Variants in PDE3A observed in about 807,000 individuals in gnomAD.
PDE3A encodes phosphodiesterase 3A.
PDE3A carries 43 observed loss-of-function variants against 98.3 expected under a neutral mutation model. The observed-to-expected ratio is 0.44, with a 90% CI of 0.34 to 0.56. PDE3A has a LOEUF of 0.56. Ranked by LOEUF, PDE3A falls within the 20% of genes least tolerant of loss-of-function variation. PDE3A has a pLI of 0.01. For missense variants in PDE3A, 1,427 were observed against 1,440.7 expected, an observed-to-expected ratio of 0.99 and a Z score of 0.15; for synonymous variants, 663 against 567.9, an observed-to-expected ratio of 1.17 and a Z score of -2.38.
chr12:20,652,631 G>A (rs10841585), intron 14 of PDE3A, among the ~76,000 whole-genome samples: 76,016 of 151,714 alleles, frequency 0.5, 19,917 homozygotes, highest in East Asian at 0.73. Context: ...TTTTTTTCTT[G>A]TAAATTTGTT....
chr12:20,383,357 G>A (rs369021647), intron 1 of PDE3A, among the ~76,000 whole-genome samples: 9 of 151,824 alleles, frequency 5.9e-5, no homozygotes, highest in African/African-American at 2.2e-4. Flanking sequence ...TACCAGTGGT[G>A]CCATTATTCT....
Position 20,583,796 on chromosome 12 carries a change from A to G in PDE3A, c.1011+27086A>G, listed in dbSNP as rs1208444231. Among the ~76,000 whole-genome samples the G allele has an allele frequency of 2.0e-5, 3 of 152,306 alleles. No individual in the cohort carries two copies. In the East Asian group the frequency reaches 5.8e-4, roughly 29 times the overall value. ...TTGATCAATGAAAATTGTTTTAAGTAACTAATGTACCTACTTTGATTTTTA... is the reference window on the plus strand; with the variant it reads ...TTGATCAATGAAAATTGTTTTAAGTGACTAATGTACCTACTTTGATTTTTA... On this transcript the variant is annotated intron_variant, in intron 2 of 15. Coordinates refer to ENST00000359062, the MANE Select transcript of PDE3A (RefSeq NM_000921.5).
intron 1 of PDE3A, among the ~76,000 whole-genome samples, chr12:20,440,339 T>G (rs1445594144): frequency 6.6e-6 from 1 of 152,144 alleles, no homozygotes; most frequent in African/African-American, 2.4e-5. Flanking sequence ...TGCTTGGGAC[T>G]GAGTATAGTG....
At chr12:20,604,484 C>A (rs997939060) in intron 2 of PDE3A, among the ~76,000 whole-genome samples, 3 of 152,114 alleles carry the variant, frequency 2.0e-5, no homozygotes, top group African/African-American at 7.2e-5. Flanking sequence ...GTTTTTCTAC[C>A]TTTTTGCTTC....
At chr12:20,635,112 G>C in intron 8 of PDE3A, 56 bp downstream of exon 8, 2 of 1,479,340 alleles carry the variant, frequency 1.4e-6, no homozygotes, top group East Asian at 2.3e-5. Flanking sequence ...TTCTGTTACA[G>C]ATATTGGCTC....
intron 5 of PDE3A, among the ~76,000 whole-genome samples, chr12:20,624,172 T>C (rs1470003134): frequency 2.6e-5 from 4 of 152,164 alleles, no homozygotes; most frequent in Non-Finnish European, 5.9e-5. Context: ...AATGACTTCA[T>C]ACTAGAAAAA....
chr12:20,369,054 C>T lies in PDE3A; in HGVS notation c.-231C>T, dbSNP rs1943401415. ...CGTGCTTGTTTTCAACTTGAGCGTG[C>T]TAGCCTTTAACTTGAAGAAGTCTCA... is the stretch of plus-strand genomic sequence containing the variant. On this transcript the variant is annotated 5_prime_UTR_variant, in exon 1 of 16. Coordinates refer to ENST00000359062, the MANE Select transcript of PDE3A (RefSeq NM_000921.5). 6.6e-6 allele frequency among the ~76,000 whole-genome samples: 1 copy of T among 152,170 alleles called. No individual in the cohort carries two copies. Among genetic ancestry groups the T allele is most frequent in the Non-Finnish European group, 1.5e-5 (1 of 68,020 alleles).
intron 15 of PDE3A, among the ~76,000 whole-genome samples, chr12:20,668,947 T>C (rs1945395229): frequency 6.7e-6 from 1 of 149,370 alleles, no homozygotes; most frequent in Non-Finnish European, 1.5e-5. Flanking sequence ...GTTGAAAACT[T>C]TGAAAAAAAT....
Position 20,369,870 on chromosome 12 carries a change from A to T in PDE3A, c.586A>T (p.Ser196Cys). The change falls in exon 1 of 16, where the codon AGC (serine) becomes TGC (cysteine). Residue 196 changes from serine (S) to cysteine (C), a missense_variant. Around this residue, in one of 3 missense-constraint regions of PDE3A, gnomAD observed 1,012 missense variants for 886.5 expected, o/e 1.14. Coordinates refer to ENST00000359062, the MANE Select transcript of PDE3A (RefSeq NM_000921.5). ...LSLPAAGVVL[S>C]CLAAATWLVL... is the part of the protein sequence containing the mutation. ...ACTCCCCGCCGCGGGGGTGGTGCTC[A>T]GCTGCTTGGCCGCCGCGACATGGCT... 1 of 1,612,784 alleles carries T rather than the reference A, an allele frequency of 6.2e-7. No homozygotes were observed. The highest frequency in any genetic ancestry group is 8.5e-7 in the Non-Finnish European group (1 of 1,179,674).
At chr12:20,610,557 A>G (rs553142057) in intron 2 of PDE3A, among the ~76,000 whole-genome samples, 166 of 152,134 alleles carry the variant, frequency 1.1e-3, no homozygotes, top group African/African-American at 3.8e-3. Flanking sequence ...TCATAAAGAT[A>G]TCTGCACTCT....
intron 1 of PDE3A, among the ~76,000 whole-genome samples, chr12:20,380,409 T>C (rs919733304): frequency 6.6e-6 from 1 of 151,934 alleles, no homozygotes; most frequent in Non-Finnish European, 1.5e-5. Context: ...ATTGCAGTGA[T>C]AAATTTAGCT....
intron 2 of PDE3A, among the ~76,000 whole-genome samples, chr12:20,607,230 G>A (rs1943731511): frequency 6.6e-6 from 1 of 151,976 alleles, no homozygotes; most frequent in Non-Finnish European, 1.5e-5. Context: ...CTTGAACCCA[G>A]GAGTTCAAGA....
At chr12:20,509,063 T>C (rs1011523476) in intron 1 of PDE3A, among the ~76,000 whole-genome samples, 1 of 152,074 alleles carries the variant, frequency 6.6e-6, no homozygotes, top group Non-Finnish European at 1.5e-5. Context: ...ACTGCCCTTC[T>C]TATGCTGGAT....
intron 1 of PDE3A, among the ~76,000 whole-genome samples, chr12:20,433,081 G>C (rs1944723692): frequency 6.6e-6 from 1 of 152,068 alleles, no homozygotes; most frequent in African/African-American, 2.4e-5. Context: ...CTATAACAAT[G>C]AATAGATGAA....
At chr12:20,615,735 T>G (rs1439899906) in intron 3 of PDE3A, among the ~76,000 whole-genome samples, 1 of 152,128 alleles carries the variant, frequency 6.6e-6, no homozygotes, top group Non-Finnish European at 1.5e-5. Flanking sequence ...ATTTATTTAT[T>G]TATTTATTAG....
At position 20,495,396 on chromosome 12, in the gene PDE3A, A is replaced by C. The variant is rs535477701; in HGVS notation, c.961-61264A>C. Among the ~76,000 whole-genome samples the C allele has an allele frequency of 1.7e-3, 256 of 152,280 alleles. 4 individuals carry two copies. Among genetic ancestry groups the C allele is most frequent in the African/African-American group, 5.4e-3 (223 of 41,554 alleles). ...TGTTTTGAAAGGTAGAATCATACAA[A>C]GAAACAACTATAATCTAATTAACCT... is the stretch of plus-strand genomic sequence containing the variant. On this transcript the variant is annotated intron_variant, in intron 1 of 15. Coordinates refer to ENST00000359062, the MANE Select transcript of PDE3A (RefSeq NM_000921.5).
Position 20,646,963 on chromosome 12 carries a change from A to T in PDE3A, c.2565+13A>T, listed in dbSNP as rs1944789616. 1 of 1,591,836 alleles carries T rather than the reference A, an allele frequency of 6.3e-7. No individual in the cohort carries two copies. The highest frequency in any genetic ancestry group is 8.6e-7 in the Non-Finnish European group (1 of 1,160,710). On this transcript the variant is annotated intron_variant, in intron 12 of 15. Transcript: ENST00000359062. ...TAGTGCTCCTCAGGTAAATCTTTAG[A>T]TTTTGGTTAGGAGAACTAATTTAAA... is the stretch of plus-strand genomic sequence containing the variant.
At chr12:20,450,728 A>T (rs906357339) in intron 1 of PDE3A, among the ~76,000 whole-genome samples, 1 of 152,252 alleles carries the variant, frequency 6.6e-6, no homozygotes, top group Non-Finnish European at 1.5e-5. Context: ...GCACCCTGGT[A>T]TATCAAATAC....
rs761981823 is a variant in PDE3A at position 20,686,590 on chromosome 12, A to G, written c.*6319A>G. ...TATTTCCGTGTCATTGAAAGTTCCT[A>G]TTTCAAATTAAACAAACTACAGCAG... On this transcript the variant is annotated 3_prime_UTR_variant, in exon 16 of 16. Transcript: ENST00000359062. 6.6e-6 allele frequency among the ~76,000 whole-genome samples: 1 copy of G among 152,134 alleles called. No individual in the cohort carries two copies. Among genetic ancestry groups the G allele is most frequent in the Non-Finnish European group, 1.5e-5 (1 of 67,992 alleles).
Sources: allele counts gnomAD v4.1 joint callset (sites outside exome capture counted in the v4.1 genomes callset), GRCh38; gene constraint gnomAD v4.1.1; regional missense constraint gnomAD v4.1.1; transcripts MANE v1.5; gene names NCBI Gene and HGNC (gene_info 2026-07-23, HGNC 2026-07-21).